RBFOX1: variants seen among roughly 807,000 people sequenced by gnomAD.
RBFOX1 encodes RNA binding fox-1 homolog 1, also known as RNA binding protein fox-1 homolog 1.
RBFOX1 carries 8 observed loss-of-function variants against 57.7 expected under a neutral mutation model. That is an observed-to-expected ratio of 0.14 (90% CI 0.08 to 0.25). The LOEUF (loss-of-function observed/expected upper bound fraction) is 0.25, where lower values mean the gene tolerates loss of function less well. Among genes scored for constraint, RBFOX1 ranks in the 10% least tolerant of loss-of-function variants. RBFOX1 has a pLI of 1.00. For synonymous variants in RBFOX1, 326 were observed against 222.4 expected (o/e 1.47, Z -4.15); for missense variants, 611 against 548.5 (o/e 1.11, Z -1.14).
intron 4 of RBFOX1, among the ~76,000 whole-genome samples, chr16:7,113,843 C>G (rs532268577): frequency 2.0e-5 from 3 of 152,222 alleles, no homozygotes; most frequent in Non-Finnish European, 4.4e-5. Context: ...CTCCCACTAC[C>G]AAGTTTTCAC....
chr16:7,023,233 T>G (rs2039839259), intron 3 of RBFOX1, among the ~76,000 whole-genome samples: 1 of 151,788 alleles, frequency 6.6e-6, no homozygotes, highest in African/African-American at 2.4e-5. Context: ...TCCTATCACT[T>G]TGGGAGGCCA....
At chr16:6,040,136 C>G (rs1424994991) in intron 1 of RBFOX1, among the ~76,000 whole-genome samples, 2 of 152,070 alleles carry the variant, frequency 1.3e-5, no homozygotes, top group African/African-American at 4.8e-5. Context: ...TTATTAAAGC[C>G]CATAGTTTAC....
At chr16:5,998,468 A>T (rs964066803) in intron 4 of RBFOX1, among the ~76,000 whole-genome samples, 2 of 152,240 alleles carry the variant, frequency 1.3e-5, no homozygotes, top group African/African-American at 4.8e-5. Flanking sequence ...AGTGTTTAGA[A>T]CTAGAAGAGG....
At chr16:6,152,925 A>C (rs983570809) in intron 1 of RBFOX1, among the ~76,000 whole-genome samples, 1 of 152,236 alleles carries the variant, frequency 6.6e-6, no homozygotes, top group African/African-American at 2.4e-5. Context: ...GATGGTTTTA[A>C]GAGCTAGCTC....
chr16:7,563,496 C>T lies in RBFOX1; in HGVS notation c.271-16281C>T, dbSNP rs541585820. ...TTTCTTTTCTTGCTTCAAACAAAGTCTTACACTGTTGCCCAGGCTGGAGTG... is the reference window on the plus strand; with the variant it reads ...TTTCTTTTCTTGCTTCAAACAAAGTTTTACACTGTTGCCCAGGCTGGAGTG... On this transcript the variant is annotated intron_variant, in intron 5 of 15. Transcript: ENST00000550418. Among the ~76,000 whole-genome samples the T allele has an allele frequency of 1.2e-4, 18 of 152,220 alleles. No individual in the cohort carries two copies. The South Asian group carries it at 3.5e-3, about 30-fold the overall frequency.
intron 4 of RBFOX1, among the ~76,000 whole-genome samples, chr16:5,970,439 C>A (rs1186016303): frequency 1.3e-5 from 2 of 152,138 alleles, no homozygotes; most frequent in East Asian, 1.9e-4. Flanking sequence ...AAGGCAGTCT[C>A]CTCTCTTGAC....
chr16:5,630,006 A>C (rs1051628832), intron 3 of RBFOX1, among the ~76,000 whole-genome samples: 3 of 152,154 alleles, frequency 2.0e-5, no homozygotes, highest in African/African-American at 7.2e-5. Context: ...GGATCTCTCT[A>C]TGTCCTGGGA....
At chr16:7,008,630 C>T (rs2093438640) in intron 3 of RBFOX1, among the ~76,000 whole-genome samples, 1 of 129,080 alleles carries the variant, frequency 7.7e-6, no homozygotes, top group Non-Finnish European at 1.6e-5. Context: ...CCCTCCCTCC[C>T]TTCCTCCCTC....
intron 3 of RBFOX1, among the ~76,000 whole-genome samples, chr16:5,849,377 C>G (rs11642358): frequency 0.36 from 54,526 of 151,798 alleles, 9,913 homozygotes; most frequent in Admixed American, 0.4. Flanking sequence ...GGCCCTGCTT[C>G]CTCAAGGTGT....
At chr16:7,419,646 T>C (rs2098520369) in intron 4 of RBFOX1, among the ~76,000 whole-genome samples, 1 of 152,192 alleles carries the variant, frequency 6.6e-6, no homozygotes, top group Non-Finnish European at 1.5e-5. Context: ...CTCAGGGACA[T>C]GACAGTTCTT....
intron 14 of RBFOX1, among the ~76,000 whole-genome samples, chr16:7,694,534 C>T (rs1448579914): frequency 6.6e-6 from 1 of 152,214 alleles, no homozygotes; most frequent in Non-Finnish European, 1.5e-5. Context: ...ATGCATGATG[C>T]ATGCTGACAT....
chr16:6,787,224 C>G (rs62016112), intron 3 of RBFOX1, among the ~76,000 whole-genome samples: 46,127 of 151,924 alleles, frequency 0.3, 8,540 homozygotes, highest in African/African-American at 0.5. Flanking sequence ...CTGGATAAAG[C>G]AGGCAGCATT....
intron 3 of RBFOX1, among the ~76,000 whole-genome samples, chr16:5,778,378 C>G (rs1320974681): frequency 6.6e-6 from 1 of 152,178 alleles, no homozygotes; most frequent in African/African-American, 2.4e-5. Flanking sequence ...CTCTGATCAC[C>G]TGGACTGGCT....
chr16:7,369,257 C>G (rs1049160345), intron 4 of RBFOX1, among the ~76,000 whole-genome samples: 15 of 151,942 alleles, frequency 9.9e-5, no homozygotes, highest in African/African-American at 3.4e-4. Context: ...CCACGATGTT[C>G]CTGCAGCTCT....
intron 1 of RBFOX1, among the ~76,000 whole-genome samples, chr16:5,454,848 T>TCCTTG (rs1168500658): frequency 1.5e-5 from 2 of 129,434 alleles, no homozygotes; most frequent in African/African-American, 5.9e-5. Flanking sequence ...TTCCTTTCTT[T>TCCTTG]CTTTCTTTTC....
chr16:6,095,681 A>G (rs1354983779), intron 1 of RBFOX1, among the ~76,000 whole-genome samples: 3 of 151,576 alleles, frequency 2.0e-5, no homozygotes, highest in African/African-American at 7.3e-5. Flanking sequence ...TTCTTCTTCC[A>G]TTCTCTCTTC....
At chr16:7,276,404 C>T (rs1388589283) in intron 4 of RBFOX1, among the ~76,000 whole-genome samples, 1 of 152,190 alleles carries the variant, frequency 6.6e-6, no homozygotes, top group East Asian at 1.9e-4. Flanking sequence ...CCCTGAAGAG[C>T]CTGGACATCC....
chr16:6,393,484 C>A (rs182814602), intron 2 of RBFOX1, among the ~76,000 whole-genome samples: 142 of 152,278 alleles, frequency 9.3e-4, no homozygotes, highest in African/African-American at 3.3e-3. Context: ...AAATTCTGAT[C>A]CATGCATGGA....
chr16:7,186,232 A>T (rs2083728379), intron 4 of RBFOX1, among the ~76,000 whole-genome samples: 1 of 129,578 alleles, frequency 7.7e-6, no homozygotes, highest in Non-Finnish European at 1.6e-5. Context: ...ATAAACATAA[A>T]CATATTTATA....
Sources: gnomAD v4.1 joint callset for allele counts (sites outside exome capture counted in the v4.1 genomes callset) on GRCh38, gnomAD v4.1.1 for gene constraint, MANE v1.5 for transcripts, NCBI Gene and HGNC (gene_info 2026-07-23, HGNC 2026-07-21) for gene names.